The following TMC8 variants were observed in gnomAD, a reference collection of about 807,000 sequenced individuals.
The protein encoded by TMC8 is transmembrane channel-like protein 8.
In TMC8, 71 loss-of-function variants were observed where a neutral mutation model predicts 76.0. That is an observed-to-expected ratio of 0.93 (90% CI 0.77 to 1.14). TMC8 has a LOEUF of 1.14. Ranked by LOEUF, TMC8 falls within the 50% of genes most tolerant of loss-of-function variation. TMC8 has a pLI of 0.00. For synonymous variants in TMC8, 433 were observed against 433.8 expected (o/e 1.00, Z 0.02); for missense variants, 924 against 947.9 (o/e 0.97, Z 0.33).
intron 15 of TMC8, 85 bp from the exon 16 acceptor site, chr17:78,140,749 G>C: frequency 6.5e-7 from 1 of 1,533,586 alleles, no homozygotes; most frequent in Non-Finnish European, 8.8e-7. Flanking sequence ...TGGCCCATGG[G>C]CCGCAGAGTT....
chr17:78,137,943 G>A, intron 11 of TMC8, 62 bp from the exon 12 acceptor site: 1 of 1,607,410 alleles, frequency 6.2e-7, no homozygotes, highest in Non-Finnish European at 8.5e-7. Flanking sequence ...CTGTGGCCAT[G>A]ACCAATACAG....
In TMC8 at chr17:78,140,737, GC is replaced by G. The variant is rs947115163; in HGVS notation, c.1903-96del. 3.3e-6 allele frequency: 5 copies of G among 1,500,146 alleles called. No homozygotes were observed. The African/African-American group carries it at 6.9e-5, about 21-fold the overall frequency. The allele number at this position is 1,500,146 out of a possible 1,614,324, so 92.9% of individuals were successfully genotyped here. Reference sequence around the variant, plus strand: ...TGGCCTCTGGCTACTTTGGGTGCGGGCTGGCCCATGGGCCGCAGAGTTGCTG... The same window carrying G: ...TGGCCTCTGGCTACTTTGGGTGCGGGTGGCCCATGGGCCGCAGAGTTGCTG... On this transcript the variant is annotated intron_variant, in intron 15 of 15. Transcript: ENST00000318430.
intron 2 of TMC8, 34 bp downstream of exon 2, chr17:78,131,771 G>T (rs764428491): frequency 6.4e-7 from 1 of 1,562,026 alleles, no homozygotes; most frequent in East Asian, 2.3e-5. Context: ...CGGTGCGTGG[G>T]GGGGGTGCTG....
chr17:78,136,843 C>T (rs1797325029), intron 9 of TMC8: 1 of 339,640 alleles, frequency 2.9e-6, no homozygotes, highest in Admixed American at 4.1e-5. Context: ...GGGTGGATCA[C>T]CTGAGGTCAG....
At chr17:78,131,830 G>T in intron 2 of TMC8, 52 bp from the exon 3 acceptor site, 1 of 1,490,244 alleles carries the variant, frequency 6.7e-7, no homozygotes, top group Non-Finnish European at 8.9e-7. Context: ...TGCTTGGCCC[G>T]GGTGGGCAGG....
At position 78,134,998 on chromosome 17, in the gene TMC8, C is replaced by T; in HGVS notation, c.1116C>T (p.Leu372=). 1 of 1,614,030 alleles carries T rather than the reference C, an allele frequency of 6.2e-7. No homozygotes were observed. The highest frequency in any genetic ancestry group is 8.5e-7 in the Non-Finnish European group (1 of 1,179,976). Residue 372 remains leucine, a synonymous_variant, in exon 9 of 16, where the codon CTC becomes CTT. Coordinates refer to ENST00000318430, the MANE Select transcript of TMC8 (RefSeq NM_152468.5). ...ACCCTCCCAACACGGAGGTCAACCT[C>T]ACTCTGATCTGGTGAGTGCCACCCT... ...ENYPPNTEVN[L]TLIWCVVLKL... is the part of the protein sequence containing the mutation.
chr17:78,132,198 C>A, intron 3 of TMC8, 161 bp from the exon 4 acceptor site: 1 of 1,369,574 alleles, frequency 7.3e-7, no homozygotes, highest in Non-Finnish European at 1.0e-6. Context: ...AACCTCGGGC[C>A]CACGCAGCAC....
chr17:78,142,052 C>G lies in TMC8; in HGVS notation c.*940C>G, dbSNP rs11649824. 0.06 allele frequency: 9,166 copies of G among 152,762 alleles called. 402 individuals carry two copies. Among genetic ancestry groups the G allele is most frequent in the African/African-American group, 0.12 (4,880 of 41,570 alleles). The allele number at this position is 152,762 out of a possible 1,614,324, so 9.5% of individuals were successfully genotyped here. ...GGCAGCTGGCCACAAGGGCAGGGCC[C>G]GGCCCCCCTCCCAAGGCTGTGTCTG... On this transcript the variant is annotated 3_prime_UTR_variant, in exon 16 of 16. Coordinates refer to ENST00000318430, the MANE Select transcript of TMC8 (RefSeq NM_152468.5).
Position 78,141,019 on chromosome 17 carries a change from G to A in TMC8, c.2088G>A (p.Val696=), listed in dbSNP as rs1215199463. The change falls in exon 16 of 16, where the codon GTG becomes GTA. Residue 696 remains valine, a synonymous_variant. Transcript: ENST00000318430. Reference sequence around the variant, plus strand: ...CCCCGCGGCCGGGCCCCTCCGTCGTGGATGCCGCGGGACTGCGTTCCCCTT... The same window carrying A: ...CCCCGCGGCCGGGCCCCTCCGTCGTAGATGCCGCGGGACTGCGTTCCCCTT... ...HQAPRPGPSV[V]DAAGLRSPCP... 2 of 1,600,310 alleles carry A rather than the reference G, an allele frequency of 1.2e-6. No homozygotes were observed. The highest frequency in any genetic ancestry group is 1.7e-5 in the Admixed American group (1 of 58,868).
In TMC8 at chr17:78,140,977, C is replaced by T. The variant is rs1484405482; in HGVS notation, c.2046C>T (p.Gly682=). 1.3e-6 allele frequency: 2 copies of T among 1,592,826 alleles called. No individual in the cohort carries two copies. Among genetic ancestry groups the T allele is most frequent in the Non-Finnish European group, 8.5e-7 (1 of 1,170,542 alleles). Residue 682 remains glycine, a synonymous_variant, in exon 16 of 16, where the codon GGC becomes GGT. Coordinates refer to ENST00000318430, the MANE Select transcript of TMC8 (RefSeq NM_152468.5). ...QSFCPGCPCP[G]SPGHQAPRPG... is the part of the protein sequence containing the mutation. The stretch of plus-strand genomic sequence containing the variant: ...TCTGCCCCGGATGCCCATGCCCTGG[C>T]TCCCCGGGCCACCAGGCCCCGCGGC...
Position 78,131,456 on chromosome 17 carries a change from G to A in TMC8, c.-133G>A, listed in dbSNP as rs2074962611. On this transcript the variant is annotated 5_prime_UTR_variant, in exon 2 of 16. Transcript: ENST00000318430. Reference sequence around the variant, plus strand: ...GCCCAGGCCCCGACGCCGGCGCAGAGGGGACGGAAGGGCCCGCCCCCAGCC... The same window carrying A: ...GCCCAGGCCCCGACGCCGGCGCAGAAGGGACGGAAGGGCCCGCCCCCAGCC... 2 of 1,316,738 alleles carry A rather than the reference G, an allele frequency of 1.5e-6. No homozygotes were observed. Among genetic ancestry groups the A allele is most frequent in the South Asian group, 2.5e-5 (2 of 78,472 alleles). The allele number at this position is 1,316,738 out of a possible 1,614,324, so 81.6% of individuals were successfully genotyped here. A position where few individuals can be genotyped will look rare whatever the true frequency, so the allele number is the denominator to read the frequency against.
rs1028347154 is a variant in TMC8, at chr17:78,137,223, C to G, written c.1128-12C>G. On this transcript the variant is annotated splice_polypyrimidine_tract_variant and intron_variant, in intron 9 of 15. Transcript: ENST00000318430. ...CCTGGGCCCCTCCACCTGACAAGGT[C>G]CCTGCCCCCAGGTGCGTGGTGCTGA... The G allele has an allele frequency of 6.8e-6, 11 of 1,613,406 alleles. No homozygotes were observed. Among genetic ancestry groups the G allele is most frequent in the Non-Finnish European group, 8.5e-6 (10 of 1,179,876 alleles).
At chr17:78,138,939 G>T in intron 14 of TMC8, 2 of 1,536,664 alleles carry the variant, frequency 1.3e-6, no homozygotes, top group South Asian at 2.4e-5. Flanking sequence ...CACCGTGTCT[G>T]GGTGGCTGCA....
intron 2 of TMC8, 59 bp from the exon 3 acceptor site, chr17:78,131,823 T>G: frequency 6.7e-7 from 1 of 1,499,338 alleles, no homozygotes; most frequent in Non-Finnish European, 8.9e-7. Flanking sequence ...CCCCGTCTGC[T>G]TGGCCCGGGT....
At chr17:78,137,538 C>A in intron 10 of TMC8, 179 bp from the exon 11 acceptor site, 2 of 1,221,184 alleles carry the variant, frequency 1.6e-6, no homozygotes, top group Non-Finnish European at 2.4e-6. Flanking sequence ...TGTAGTGTGG[C>A]TGCCCTGGCT....
rs2145561724 is a variant in TMC8, at chr17:78,131,570, T to G, written c.-19T>G. 1.3e-6 allele frequency: 2 copies of G among 1,541,716 alleles called. No individual in the cohort carries two copies. The highest frequency in any genetic ancestry group is 1.7e-6 in the Non-Finnish European group (2 of 1,146,494). On this transcript the variant is annotated 5_prime_UTR_variant, in exon 2 of 16. Coordinates refer to ENST00000318430, the MANE Select transcript of TMC8 (RefSeq NM_152468.5). ...CCACCGGCAGCCCGGCGCCCCAGCC[T>G]CTACCCGTGCCCGCCGAGATGCTGC...
chr17:78,132,745 G>GT (rs2075059297), intron 4 of TMC8, 43 bp from the exon 5 acceptor site: 1 of 1,601,348 alleles, frequency 6.2e-7, no homozygotes. Context: ...CCTCACCTAT[G>GT]CCTTGGGGAT....
chr17:78,132,405 C>T lies in TMC8; in HGVS notation c.345C>T (p.Phe115=). Residue 115 remains phenylalanine, a synonymous_variant, in exon 4 of 16, where the codon TTC becomes TTT. Transcript: ENST00000318430. The part of the protein sequence containing the change: ...GIRSYFTFLR[F]LLLLNLLSLL... ...GGTCCTACTTCACCTTCCTCCGCTT[C>T]CTGCTGCTACTCAACCTGCTGAGCC... 1 of 1,613,046 alleles carries T rather than the reference C, an allele frequency of 6.2e-7. No individual in the cohort carries two copies. The highest frequency in any genetic ancestry group is 8.5e-7 in the Non-Finnish European group (1 of 1,179,730).
At position 78,140,987 on chromosome 17, in the gene TMC8, C is replaced by T. The variant is rs753532399; in HGVS notation, c.2056C>T (p.His686Tyr). The change falls in exon 16 of 16, where the codon CAC becomes TAC. Residue 686 changes from histidine (H) to tyrosine (Y), a missense_variant. Coordinates refer to ENST00000318430, the MANE Select transcript of TMC8 (RefSeq NM_152468.5). ...ATGCCCATGCCCTGGCTCCCCGGGC[C>T]ACCAGGCCCCGCGGCCGGGCCCCTC... ...PGCPCPGSPG[H>Y]QAPRPGPSVV... is the part of the protein sequence containing the mutation. 1.3e-5 allele frequency: 21 copies of T among 1,592,470 alleles called. No homozygotes were observed. The Admixed American group carries it at 2.1e-4, about 16-fold the overall frequency.
Sources: gnomAD v4.1 joint callset for allele counts on GRCh38, gnomAD v4.1.1 for gene constraint, MANE v1.5 for transcripts, NCBI Gene and HGNC (gene_info 2026-07-23, HGNC 2026-07-21) for gene names.